The following PARD3B variants were observed in gnomAD, a reference collection of about 807,000 sequenced individuals.
PARD3B encodes the protein par-3 family cell polarity regulator beta, also known as partitioning defective 3 homolog B.
A neutral mutation model predicts 130.2 loss-of-function variants in PARD3B; 103 were observed. The observed-to-expected ratio is 0.79, with a 90% CI of 0.67 to 0.93. The LOEUF (loss-of-function observed/expected upper bound fraction) is 0.93. PARD3B is among the 40% of genes least tolerant of loss of function. The probability of loss-of-function intolerance (pLI) is 0.00; values close to 1 mark genes in which losing one functional copy is unlikely to be tolerated. For synonymous variants in PARD3B, 583 were observed against 553.2 expected (o/e 1.05, Z -0.76); for missense variants, 1,609 against 1,499.2 (o/e 1.07, Z -1.21).
intron 4 of PARD3B, among the ~76,000 whole-genome samples, chr2:205,072,618 A>G (rs192713287): frequency 3.9e-5 from 6 of 152,312 alleles, no homozygotes; most frequent in Admixed American, 3.9e-4. Flanking sequence ...ACTATGGTAC[A>G]GTATAATCTG....
At chr2:204,627,825 G>C (rs1574576185) in intron 1 of PARD3B, among the ~76,000 whole-genome samples, 1 of 152,022 alleles carries the variant, frequency 6.6e-6, no homozygotes, top group African/African-American at 2.4e-5. Context: ...TTCATCATTT[G>C]TATACAGTTA....
At chr2:205,560,085 A>G (rs957872000) in intron 22 of PARD3B, among the ~76,000 whole-genome samples, 2 of 152,218 alleles carry the variant, frequency 1.3e-5, no homozygotes, top group Non-Finnish European at 2.9e-5. Context: ...CCCAAGTCCA[A>G]CAGCTAAAAT....
At chr2:204,861,950 A>G (rs1250030256) in intron 2 of PARD3B, among the ~76,000 whole-genome samples, 1 of 147,920 alleles carries the variant, frequency 6.8e-6, no homozygotes, top group African/African-American at 2.6e-5. Flanking sequence ...AAAAAAAAAA[A>G]AGAAATGGCT....
rs910699497 is a variant in PARD3B, at chr2:204,940,848, T to A, written c.223-24304T>A. ...GCCATGGTACTCAATGTTGCAGGAGTACCACTGTCAATAAGATAGTGTCCT... is the reference window on the plus strand; with the variant it reads ...GCCATGGTACTCAATGTTGCAGGAGAACCACTGTCAATAAGATAGTGTCCT... On this transcript the variant is annotated intron_variant, in intron 2 of 22. Transcript: ENST00000406610. 9.2e-5 allele frequency among the ~76,000 whole-genome samples: 14 copies of A among 152,130 alleles called. No homozygotes were observed. The East Asian group carries it at 2.7e-3, about 29-fold the overall frequency.
intron 1 of PARD3B, among the ~76,000 whole-genome samples, chr2:204,676,663 ATTG>A (rs869141607): frequency 6.6e-3 from 779 of 118,740 alleles, no homozygotes; most frequent in African/African-American, 0.01. Flanking sequence ...CTACTCTATG[ATTG>A]TTTTTTTTTT....
chr2:205,561,339 A>G (rs2053128382), intron 22 of PARD3B, among the ~76,000 whole-genome samples: 1 of 152,198 alleles, frequency 6.6e-6, no homozygotes, highest in African/African-American at 2.4e-5. Context: ...GCGTTGGCTG[A>G]AGCTAATCTA....
intron 16 of PARD3B, among the ~76,000 whole-genome samples, chr2:205,297,642 T>TTA (rs1372825292): frequency 1.3e-5 from 2 of 152,166 alleles, no homozygotes; most frequent in Non-Finnish European, 2.9e-5. Flanking sequence ...CTGTAAATCC[T>TTA]TATAAGGACT....
chr2:205,030,197 C>G (rs1281101181), intron 3 of PARD3B, among the ~76,000 whole-genome samples: 1 of 152,088 alleles, frequency 6.6e-6, no homozygotes, highest in Non-Finnish European at 1.5e-5. Context: ...CAGAGATAGT[C>G]CCCTGAGGTG....
rs1195711961 is a variant in PARD3B, at chr2:205,421,878, G to C, written c.2742-18492G>C. ...TTTAAAGTGCATCTCTCCAATCTCT[G>C]CTTCCGTTGTCACTTGGCCTTCTCT... On this transcript the variant is annotated intron_variant, in intron 19 of 22. Transcript: ENST00000406610. The surrounding 1 kb of genome is among the most constrained non-coding windows in gnomAD (Gnocchi z 5.1). Among the ~76,000 whole-genome samples the C allele has an allele frequency of 1.3e-5, 2 of 152,062 alleles. No homozygotes were observed. Among genetic ancestry groups the C allele is most frequent in the Non-Finnish European group, 2.9e-5 (2 of 68,028 alleles).
At chr2:204,629,562 A>G (rs905675587) in intron 1 of PARD3B, among the ~76,000 whole-genome samples, 3 of 151,854 alleles carry the variant, frequency 2.0e-5, no homozygotes, top group Non-Finnish European at 4.4e-5. Flanking sequence ...TCTGCTGCAC[A>G]TACTTTTGTT....
At chr2:204,615,981 A>G (rs2034097054) in intron 1 of PARD3B, among the ~76,000 whole-genome samples, 1 of 152,328 alleles carries the variant, frequency 6.6e-6, no homozygotes, top group African/African-American at 2.4e-5. Context: ...GACAAAGCCT[A>G]AAATGGATAG....
chr2:205,413,296 G>T (rs552843862), intron 19 of PARD3B, among the ~76,000 whole-genome samples: 1 of 152,030 alleles, frequency 6.6e-6, no homozygotes, highest in East Asian at 1.9e-4. Context: ...TTATTTTTCT[G>T]CATGGAATCG....
chr2:205,292,696 C>T lies in PARD3B; in HGVS notation c.2186-7834C>T, dbSNP rs1006910905. Among the ~76,000 whole-genome samples the T allele has an allele frequency of 6.6e-6, 1 of 152,168 alleles. No homozygotes were observed. Among genetic ancestry groups the T allele is most frequent in the Non-Finnish European group, 1.5e-5 (1 of 68,036 alleles). The stretch of plus-strand genomic sequence containing the variant: ...AGTTATTTTATCCTGCCCATCCTCC[C>T]ACCTTTTTTTCTAGTTTTCTCTCAT... On this transcript the variant is annotated intron_variant, in intron 16 of 22. Coordinates refer to ENST00000406610, the MANE Select transcript of PARD3B (RefSeq NM_001302769.2). This position sits in a 1 kb window ranked among gnomAD's most constrained non-coding sequence, Gnocchi z 5.3.
intron 10 of PARD3B, among the ~76,000 whole-genome samples, chr2:205,132,050 T>C (rs2032051185): frequency 6.6e-6 from 1 of 152,154 alleles, no homozygotes. Context: ...CCCAAGAGAC[T>C]AGTTGTTAGG....
rs191031139 is a variant in PARD3B at position 204,604,995 on chromosome 2, A to T, written c.120+58876A>T. On this transcript the variant is annotated intron_variant, in intron 1 of 22. Coordinates refer to ENST00000406610, the MANE Select transcript of PARD3B (RefSeq NM_001302769.2). Reference sequence around the variant, plus strand: ...GACTGGAAGGCTGGGCCCAGCTGGGACCCTCTTTGTGTAGTGCTGGGAATT... The same window carrying T: ...GACTGGAAGGCTGGGCCCAGCTGGGTCCCTCTTTGTGTAGTGCTGGGAATT... 5.1e-3 allele frequency among the ~76,000 whole-genome samples: 772 copies of T among 151,978 alleles called. 10 individuals carry two copies. The highest frequency in any genetic ancestry group is 7.0e-3 in the Non-Finnish European group (477 of 67,978).
intron 2 of PARD3B, among the ~76,000 whole-genome samples, chr2:204,839,825 T>C (rs1388870156): frequency 6.6e-6 from 1 of 152,178 alleles, no homozygotes; most frequent in African/African-American, 2.4e-5. Flanking sequence ...TGAAAAAAGA[T>C]TTGTCATAGA....
chr2:204,746,878 C>A (rs959499101), intron 2 of PARD3B, among the ~76,000 whole-genome samples: 12 of 152,190 alleles, frequency 7.9e-5, no homozygotes, highest in African/African-American at 2.6e-4. Flanking sequence ...TGGATATTAG[C>A]CCTTTGTCAG....
At chr2:204,592,891 C>T (rs928883865) in intron 1 of PARD3B, among the ~76,000 whole-genome samples, 7 of 152,132 alleles carry the variant, frequency 4.6e-5, no homozygotes, top group African/African-American at 1.7e-4. Flanking sequence ...ATATGTGGTC[C>T]TTTGTGATTA....
intron 15 of PARD3B, among the ~76,000 whole-genome samples, chr2:205,225,402 T>C (rs1244197493): frequency 6.6e-6 from 1 of 152,082 alleles, no homozygotes; most frequent in Non-Finnish European, 1.5e-5. Flanking sequence ...CATTTTTATG[T>C]CTTGAGAAAT....
Sources: allele counts gnomAD v4.1 joint callset (sites outside exome capture counted in the v4.1 genomes callset), GRCh38; gene constraint gnomAD v4.1.1; non-coding constraint Gnocchi (gnomAD v3.1); transcripts MANE v1.5; gene names NCBI Gene and HGNC (gene_info 2026-07-23, HGNC 2026-07-21).